Variants in HDAC8 observed in about 807,000 individuals in gnomAD.
HDAC8 encodes the protein histone deacetylase 8, also known as histone deacetylase-like 1.
HDAC8 carries 1 observed loss-of-function variant against 32.2 expected under a neutral mutation model. The ratio of observed to expected loss-of-function variants is 0.03; its 90% CI spans 0.01 to 0.15. The LOEUF is 0.15. Ranked by LOEUF, HDAC8 falls within the 10% of genes least tolerant of loss-of-function variation. The probability of loss-of-function intolerance (pLI) is 1.00; values close to 1 mark genes in which losing one functional copy is unlikely to be tolerated. For synonymous variants in HDAC8, 108 were observed against 113.9 expected (o/e 0.95, Z 0.33); for missense variants, 117 against 300.0 (o/e 0.39, Z 4.51).
chrX:72,447,107 G>A (rs781824223), intron 9 of HDAC8, among the ~76,000 whole-genome samples: 1 of 112,191 alleles, frequency 8.9e-6, no homozygotes, highest in East Asian at 2.8e-4. Context: ...GCATCATCCT[G>A]ATACCAAAAC....
intron 4 of HDAC8, chrX:72,567,618 C>A: frequency 1.6e-6 from 1 of 611,617 alleles, no homozygotes; most frequent in South Asian, 2.8e-5. Context: ...GATGAAGAAA[C>A]TGAGGCCTAG....
chrX:72,552,414 C>A (rs1556075048), intron 4 of HDAC8, among the ~76,000 whole-genome samples: 1 of 111,755 alleles, frequency 8.9e-6, no homozygotes, highest in Non-Finnish European at 1.9e-5. Context: ...AGTTCGAGAC[C>A]AGCCTGGCCA....
At chrX:72,340,922 G>A (rs1282022754) in intron 10 of HDAC8, among the ~76,000 whole-genome samples, 3 of 111,906 alleles carry the variant, frequency 2.7e-5, no homozygotes, top group African/African-American at 9.7e-5. Flanking sequence ...TCAAGGGCCT[G>A]TGAAAGGAAA....
chrX:72,391,129 ACTC>A (rs1191591221), intron 9 of HDAC8, among the ~76,000 whole-genome samples: 2 of 111,641 alleles, frequency 1.8e-5, no homozygotes, highest in African/African-American at 6.5e-5. Context: ...TTGGACATCA[ACTC>A]CTATGTCATC....
intron 4 of HDAC8, among the ~76,000 whole-genome samples, chrX:72,538,412 G>T (rs1337581106): frequency 9.0e-6 from 1 of 110,566 alleles, no homozygotes; most frequent in African/African-American, 3.3e-5. Context: ...TCGAACTCCT[G>T]ACCTCAGGTG....
intron 4 of HDAC8, among the ~76,000 whole-genome samples, chrX:72,552,540 G>C (rs981483267): frequency 1.8e-5 from 2 of 110,278 alleles, no homozygotes; most frequent in Non-Finnish European, 3.8e-5. Flanking sequence ...CTTGAACCCA[G>C]GAAGTGGAGG....
At chrX:72,335,216 G>A (rs1329263865) in intron 10 of HDAC8, among the ~76,000 whole-genome samples, 1 of 111,828 alleles carries the variant, frequency 8.9e-6, no homozygotes, top group Non-Finnish European at 1.9e-5. Context: ...CACTGTTTAC[G>A]TTAAGATTCG....
chrX:72,449,674 A>C (rs1177519687), intron 9 of HDAC8, among the ~76,000 whole-genome samples: 3 of 111,435 alleles, frequency 2.7e-5, no homozygotes, highest in Non-Finnish European at 5.7e-5. Context: ...AATCGCCTAA[A>C]CACACCATTG....
At chrX:72,438,101 G>A (rs1235744902) in intron 9 of HDAC8, among the ~76,000 whole-genome samples, 1 of 111,973 alleles carries the variant, frequency 8.9e-6, no homozygotes, top group Non-Finnish European at 1.9e-5. Context: ...AACTCCGGCT[G>A]GCATCTGGCA....
chrX:72,445,445 T>C (rs192873512), intron 9 of HDAC8, among the ~76,000 whole-genome samples: 11 of 112,175 alleles, frequency 9.8e-5, no homozygotes, highest in African/African-American at 2.9e-4. Context: ...GGATTCCCTA[T>C]TTAATAAATG....
At chrX:72,360,566 C>T (rs1169333662) in intron 9 of HDAC8, among the ~76,000 whole-genome samples, 3 of 111,700 alleles carry the variant, frequency 2.7e-5, no homozygotes, top group South Asian at 3.8e-4. Flanking sequence ...ATGCCTGTGA[C>T]GGTAATGTGG....
intron 9 of HDAC8, among the ~76,000 whole-genome samples, chrX:72,363,684 G>T (rs1462833917): frequency 4.5e-5 from 5 of 110,912 alleles, no homozygotes; most frequent in Admixed American, 1.9e-4. Flanking sequence ...CGATTCTCCT[G>T]CCTCAGCCTC....
chrX:72,445,877 T>C (rs369745683), intron 9 of HDAC8, among the ~76,000 whole-genome samples: 3 of 111,694 alleles, frequency 2.7e-5, no homozygotes, highest in Non-Finnish European at 5.7e-5. Context: ...GGGTGAAGGA[T>C]ATGAACAGAC....
rs782487779 is a variant in HDAC8, at chrX:72,331,918, A to G, written c.1112-1842T>C. Among the ~76,000 whole-genome samples, 21 of 112,435 alleles carry G rather than the reference A, an allele frequency of 1.9e-4. No individual in the cohort carries two copies. In the South Asian group the frequency reaches 2.6e-3, roughly 14 times the overall value. On this transcript the variant is annotated intron_variant, in intron 10 of 10. Coordinates refer to ENST00000373573, the MANE Select transcript of HDAC8 (RefSeq NM_018486.3). ...GATTTCCCTCCTCTACCTCCTTTAC[A>G]GTCATTCCCATCCCTCCTCCTTCAC...
chrX:72,360,341 C>A (rs1357398236), intron 9 of HDAC8, among the ~76,000 whole-genome samples: 1 of 107,698 alleles, frequency 9.3e-6, no homozygotes, highest in East Asian at 2.9e-4. Flanking sequence ...GGTGACAGAG[C>A]GAGACTCCGT....
At chrX:72,438,969 C>T (rs2047037759) in intron 9 of HDAC8, among the ~76,000 whole-genome samples, 1 of 111,337 alleles carries the variant, frequency 9.0e-6, no homozygotes, top group Non-Finnish European at 1.9e-5. Flanking sequence ...GAGAACACCA[C>T]AAAGATACTC....
chrX:72,365,364 C>T (rs897157555), intron 9 of HDAC8, among the ~76,000 whole-genome samples: 1 of 112,026 alleles, frequency 8.9e-6, no homozygotes, highest in Non-Finnish European at 1.9e-5. Context: ...GATATAATCT[C>T]TGGTCTTGAG....
intron 9 of HDAC8, among the ~76,000 whole-genome samples, chrX:72,441,555 A>T (rs1555981833): frequency 1.8e-5 from 2 of 111,714 alleles, no homozygotes; most frequent in African/African-American, 6.5e-5. Context: ...ATCATCAAAG[A>T]CCAAAAGTAG....
At chrX:72,478,999 G>T (rs370466116) in intron 7 of HDAC8, among the ~76,000 whole-genome samples, 2 of 111,261 alleles carry the variant, frequency 1.8e-5, no homozygotes, top group East Asian at 5.7e-4. Context: ...GCTCTTTCCT[G>T]GTAGTACAAT....
Sources: allele counts gnomAD v4.1 joint callset (sites outside exome capture counted in the v4.1 genomes callset), GRCh38; gene constraint gnomAD v4.1.1; transcripts MANE v1.5; gene names NCBI Gene and HGNC (gene_info 2026-07-23, HGNC 2026-07-21).